ZFHX3: variants seen among roughly 807,000 people sequenced by gnomAD.
The protein encoded by ZFHX3 is zinc finger homeobox protein 3.
ZFHX3 carries 42 observed loss-of-function variants against 279.1 expected under a neutral mutation model. That is an observed-to-expected ratio of 0.15 (90% CI 0.12 to 0.19). The LOEUF (loss-of-function observed/expected upper bound fraction) is 0.19. Among genes scored for constraint, ZFHX3 ranks in the 10% least tolerant of loss-of-function variants. The pLI is 1.00. For missense variants in ZFHX3, 4,981 were observed against 4,754.0 expected, an observed-to-expected ratio of 1.05 and a Z score of -1.40; for synonymous variants, 2,293 against 1,957.8, an observed-to-expected ratio of 1.17 and a Z score of -4.52.
chr16:73,318,738 TA>T (rs2015509487), intron 3 of ZFHX3, among the ~76,000 whole-genome samples: 1 of 152,210 alleles, frequency 6.6e-6, no homozygotes, highest in African/African-American at 2.4e-5. Context: ...GCGGTGTCAT[TA>T]GTAAACTAAC....
chr16:73,311,452 A>AGGTGT (rs60100747), intron 4 of ZFHX3, among the ~76,000 whole-genome samples: 118,714 of 151,250 alleles, frequency 0.78, 46,993 homozygotes, highest in African/African-American at 0.87. Flanking sequence ...AAAATTAGCC[A>AGGTGT]GGTGGCAGAC....
At chr16:73,646,451 TAGAA>T (rs1469273810) in intron 2 of ZFHX3, among the ~76,000 whole-genome samples, 3 of 151,764 alleles carry the variant, frequency 2.0e-5, no homozygotes, top group South Asian at 2.1e-4. Flanking sequence ...TTTAAAAAGA[TAGAA>T]AGAGAAGAGA....
chr16:73,727,440 T>G (rs1385093323), intron 1 of ZFHX3, among the ~76,000 whole-genome samples: 4 of 152,166 alleles, frequency 2.6e-5, no homozygotes, highest in Non-Finnish European at 5.9e-5. Context: ...TAACCCAACA[T>G]CTACCCTAAA....
chr16:73,141,216 A>T (rs971968965), intron 6 of ZFHX3, among the ~76,000 whole-genome samples: 1 of 152,162 alleles, frequency 6.6e-6, no homozygotes, highest in African/African-American at 2.4e-5. Flanking sequence ...CCAGTGAAAT[A>T]CCTTAGAGAT....
chr16:73,432,589 G>C (rs1309469698), intron 3 of ZFHX3, among the ~76,000 whole-genome samples: 1 of 152,146 alleles, frequency 6.6e-6, no homozygotes, highest in Non-Finnish European at 1.5e-5. Context: ...TTTCCCATAT[G>C]CAAGAGCTGT....
chr16:73,560,838 A>C (rs1460534318), intron 2 of ZFHX3, among the ~76,000 whole-genome samples: 1 of 152,246 alleles, frequency 6.6e-6, no homozygotes, highest in Non-Finnish European at 1.5e-5. Context: ...GGTCAAAGAC[A>C]GGCCGAGTTA....
chr16:73,064,159 G>A (rs539105856), upstream of ZFHX3, among the ~76,000 whole-genome samples: 67 of 152,228 alleles, frequency 4.4e-4, no homozygotes, highest in Admixed American at 5.9e-4. Flanking sequence ...AGAGAGAAAA[G>A]GGAACTAGAT....
intron 4 of ZFHX3, among the ~76,000 whole-genome samples, chr16:72,837,753 C>G (rs959409249): frequency 1.3e-5 from 2 of 151,744 alleles, no homozygotes; most frequent in Non-Finnish European, 2.9e-5. Context: ...GTGCACTCCA[C>G]CATCCCCAAA....
chr16:73,317,964 C>G (rs887758510), intron 4 of ZFHX3, among the ~76,000 whole-genome samples: 2 of 152,150 alleles, frequency 1.3e-5, no homozygotes, highest in Non-Finnish European at 2.9e-5. Context: ...AGGGTGACAA[C>G]CTTTACAATG....
Position 72,796,210 on chromosome 16 carries a change from G to T in ZFHX3, c.6472C>A (p.Arg2158=). ...PRTRITDDQL[R]VLRQYFDINN... ...ATGTCAAAATATTGCCGCAAGACTCGGAGCTGATCATCTGTGATCCTGGTG... is the reference window on the plus strand; with the variant it reads ...ATGTCAAAATATTGCCGCAAGACTCTGAGCTGATCATCTGTGATCCTGGTG... Residue 2158 remains arginine (R), a synonymous_variant, in exon 9 of 10, where the codon CGA becomes AGA. Transcript: ENST00000268489. The T allele has an allele frequency of 6.2e-6, 10 of 1,614,046 alleles. No individual in the cohort carries two copies. The highest frequency in any genetic ancestry group is 8.5e-6 in the Non-Finnish European group (10 of 1,180,014).
chr16:73,584,844 C>A (rs574083955), intron 2 of ZFHX3, among the ~76,000 whole-genome samples: 1 of 152,096 alleles, frequency 6.6e-6, no homozygotes, highest in Non-Finnish European at 1.5e-5. Flanking sequence ...ATCCATCTGA[C>A]AAAGGGCTAA....
intron 1 of ZFHX3, among the ~76,000 whole-genome samples, chr16:72,990,654 A>G (rs1963048169): frequency 6.6e-6 from 1 of 152,226 alleles, no homozygotes; most frequent in Admixed American, 6.5e-5. Flanking sequence ...CAACAGGCAG[A>G]TATCAGAGAA....
intron 7 of ZFHX3, chr16:72,807,932 G>C (rs1243541037): frequency 6.6e-6 from 1 of 152,154 alleles, no homozygotes; most frequent in African/African-American, 2.4e-5. Flanking sequence ...CCTGGAGCAT[G>C]AATGACCGTA....
chr16:72,926,697 T>C (rs1230827574), intron 3 of ZFHX3, among the ~76,000 whole-genome samples: 1 of 152,164 alleles, frequency 6.6e-6, no homozygotes, highest in Non-Finnish European at 1.5e-5. Flanking sequence ...ATCAGCCAAA[T>C]TCCAACACAG....
chr16:73,031,868 G>C (rs1006255900), intron 1 of ZFHX3, among the ~76,000 whole-genome samples: 1 of 152,246 alleles, frequency 6.6e-6, no homozygotes, highest in East Asian at 1.9e-4. Context: ...GTGGGGAAGG[G>C]GGGTGAAGGC....
upstream of ZFHX3, among the ~76,000 whole-genome samples, chr16:73,062,851 C>CGAGTCCCTTTTT (rs1567655516): frequency 3.0e-4 from 45 of 152,100 alleles, no homozygotes; most frequent in African/African-American, 1.1e-3. Context: ...AGTCCCTTTT[C>CGAGTCCCTTTTT]GAATGTGTAT....
chr16:72,904,115 T>C (rs4788483), intron 3 of ZFHX3, among the ~76,000 whole-genome samples: 42,914 of 152,042 alleles, frequency 0.28, 6,294 homozygotes, highest in Middle Eastern at 0.33. Context: ...CCTATAATCC[T>C]AGCACTGTGG....
chr16:73,216,516 A>G (rs1168615241), intron 5 of ZFHX3, among the ~76,000 whole-genome samples: 1 of 152,228 alleles, frequency 6.6e-6, no homozygotes, highest in African/African-American at 2.4e-5. Context: ...GAGTCAACTC[A>G]TTCATCTTTG....
chr16:73,130,996 G>A (rs1312708020), exon 7 of ZFHX3: 8 of 1,305,332 alleles, frequency 6.1e-6, no homozygotes, highest in Non-Finnish European at 8.1e-6. Flanking sequence ...TTGTGCCTGA[G>A]CTGGTGGCGC....
Sources: gnomAD v4.1 joint callset for allele counts (sites outside exome capture counted in the v4.1 genomes callset) on GRCh38, gnomAD v4.1.1 for gene constraint, MANE v1.5 for transcripts, NCBI Gene and HGNC (gene_info 2026-07-23, HGNC 2026-07-21) for gene names.